MROH2B: variants seen among roughly 807,000 people sequenced by gnomAD.
MROH2B encodes the protein maestro heat-like repeat-containing protein family member 2B.
In MROH2B, 177 loss-of-function variants were observed where a neutral mutation model predicts 208.6. The observed-to-expected ratio is 0.85, with a 90% confidence interval of 0.75 to 0.96. The LOEUF (loss-of-function observed/expected upper bound fraction) is 0.96. Ranked by LOEUF, MROH2B falls within the 40% of genes least tolerant of loss-of-function variation. The probability of loss-of-function intolerance (pLI) is 0.00; values close to 1 mark genes in which losing one functional copy is unlikely to be tolerated. For missense variants in MROH2B, 2,002 were observed against 1,878.7 expected, an observed-to-expected ratio of 1.07 and a Z score of -1.21; for synonymous variants, 728 against 659.0, an observed-to-expected ratio of 1.10 and a Z score of -1.60.
chr5:41,017,934 G>T lies in MROH2B; in HGVS notation c.2800C>A (p.Leu934Ile), dbSNP rs1448281063. 1 of 1,580,840 alleles carries T rather than the reference G, an allele frequency of 6.3e-7. No individual in the cohort carries two copies. Among genetic ancestry groups the T allele is most frequent in the African/African-American group, 1.3e-5 (1 of 74,526 alleles). Residue 934 changes from leucine (L) to isoleucine (I), a missense_variant, in exon 28 of 42, where the codon CTT (leucine) becomes ATT (isoleucine). By Grantham distance (5) the Leu-to-Ile change is conservative. Coordinates refer to ENST00000399564, the MANE Select transcript of MROH2B (RefSeq NM_173489.5). ...GTATCACAGGAGTGAGGAGCCAGAA[G>T]TCCAAGCAGTGAACCAATTTTAAAG... ...ENFKIGSLLG[L>I]LAPHSCDTLP...
intron 12 of MROH2B, among the ~76,000 whole-genome samples, chr5:41,052,096 A>T (rs1743302628): frequency 6.6e-6 from 1 of 152,100 alleles, no homozygotes; most frequent in African/African-American, 2.4e-5. Context: ...GAAGCAATCC[A>T]GTCTCTGTGT....
intron 28 of MROH2B, among the ~76,000 whole-genome samples, chr5:41,016,036 A>T (rs1432147299): frequency 6.6e-6 from 1 of 152,160 alleles, no homozygotes; most frequent in Non-Finnish European, 1.5e-5. Flanking sequence ...AATCATGGAA[A>T]CTAACACATG....
chr5:41,017,898 T>C lies in MROH2B; in HGVS notation c.2836A>G (p.Ile946Val). 1 of 1,591,126 alleles carries C rather than the reference T, an allele frequency of 6.3e-7. No homozygotes were observed. Among genetic ancestry groups the C allele is most frequent in the Non-Finnish European group, 8.6e-7 (1 of 1,168,126 alleles). ...GTTGAGCTAGCAGCCGCCTGACGGA[T>C]GGTGGGCAGGGTATCACAGGAGTGA... ...APHSCDTLPTIRQAAASSTIG... is the reference protein window; with the variant it reads ...APHSCDTLPTVRQAAASSTIG... Residue 946 changes from isoleucine to valine, a missense_variant, in exon 28 of 42, where the codon ATC becomes GTC. Coordinates refer to ENST00000399564, the MANE Select transcript of MROH2B (RefSeq NM_173489.5).
rs151143298 is a variant in MROH2B, at chr5:41,046,179, G to A, written c.1729-326C>T. Among the ~76,000 whole-genome samples the A allele has an allele frequency of 3.1e-3, 471 of 151,256 alleles. 3 individuals carry two copies. Among genetic ancestry groups the A allele is most frequent in the African/African-American group, 0.011 (444 of 41,270 alleles). On this transcript the variant is annotated intron_variant, in intron 17 of 41. Transcript: ENST00000399564. ...TTAAAGTTGGCATTTTTCTAGTTTC[G>A]GTAGATTTGGAAAAACTCCATTTGT... is the stretch of plus-strand genomic sequence containing the variant.
chr5:41,048,563 T>G (rs1242154811), intron 15 of MROH2B, 98 bp from the exon 16 acceptor site: 14 of 1,282,262 alleles, frequency 1.1e-5, no homozygotes, highest in Non-Finnish European at 1.2e-5. Flanking sequence ...CTTTGATTTC[T>G]GCATTGGATA....
chr5:41,002,565 G>T (rs1373236816), intron 37 of MROH2B, among the ~76,000 whole-genome samples: 5 of 152,338 alleles, frequency 3.3e-5, no homozygotes, highest in Middle Eastern at 6.8e-3. Flanking sequence ...TGGGGCAATA[G>T]ATCATAGAGT....
chr5:41,012,508 C>G lies in MROH2B; in HGVS notation c.3135+75G>C, dbSNP rs1741804936. The G allele has an allele frequency of 4.7e-5, 70 of 1,499,014 alleles. No homozygotes were observed. In the South Asian group the frequency reaches 9.2e-4, roughly 20 times the overall value. The allele number at this position is 1,499,014 out of a possible 1,614,324, so 92.9% of individuals were successfully genotyped here. A position where few individuals can be genotyped will look rare whatever the true frequency, so the allele number is the denominator to read the frequency against. ...TGCATGCTGCCCATCAGTGGACAAACAGAGAAAGTGGCTGACTTGGCATTT... is the reference window on the plus strand; with the variant it reads ...TGCATGCTGCCCATCAGTGGACAAAGAGAGAAAGTGGCTGACTTGGCATTT... On this transcript the variant is annotated intron_variant, in intron 30 of 41. Coordinates refer to ENST00000399564, the MANE Select transcript of MROH2B (RefSeq NM_173489.5).
chr5:41,008,978 A>G (rs368162044), intron 32 of MROH2B, among the ~76,000 whole-genome samples, 185 bp from the exon 33 acceptor site: 7 of 152,346 alleles, frequency 4.6e-5, no homozygotes, highest in African/African-American at 1.4e-4. Context: ...AGGGGACACT[A>G]GTCATGTAAA....
intron 19 of MROH2B, among the ~76,000 whole-genome samples, chr5:41,041,741 T>C (rs959882499): frequency 6.6e-6 from 1 of 152,170 alleles, no homozygotes; most frequent in African/African-American, 2.4e-5. Flanking sequence ...CACTTTAGGT[T>C]ATCTTTACAT....
At chr5:41,029,859 A>G (rs541289499) in intron 24 of MROH2B, among the ~76,000 whole-genome samples, 17 of 152,106 alleles carry the variant, frequency 1.1e-4, no homozygotes, top group Non-Finnish European at 2.1e-4. Flanking sequence ...ATTGGGTACT[A>G]TGCTCACTAC....
chr5:41,034,086 G>A (rs1742674794), intron 21 of MROH2B: 13 of 984,460 alleles, frequency 1.3e-5, no homozygotes, highest in Non-Finnish European at 1.6e-5. Context: ...GGTAAGTCAT[G>A]AGTAAGCTGC....
chr5:41,007,874 C>T (rs1168256791), intron 33 of MROH2B, among the ~76,000 whole-genome samples: 2 of 152,168 alleles, frequency 1.3e-5, no homozygotes, highest in South Asian at 2.1e-4. Flanking sequence ...TCAGATATAG[C>T]TCTTTATATT....
At chr5:41,066,809 T>C (rs1743827395) in intron 3 of MROH2B, among the ~76,000 whole-genome samples, 1 of 152,252 alleles carries the variant, frequency 6.6e-6, no homozygotes, top group Admixed American at 6.5e-5. Flanking sequence ...TTTCTAGTTA[T>C]GTTACTAGTT....
chr5:41,066,508 G>A (rs1329204447), intron 3 of MROH2B, among the ~76,000 whole-genome samples: 1 of 152,112 alleles, frequency 6.6e-6, no homozygotes, highest in African/African-American at 2.4e-5. Flanking sequence ...TGTCTTTTGG[G>A]ATAAGACACC....
In MROH2B at chr5:41,039,497, A is replaced by G. The variant is rs1742876698; in HGVS notation, c.2012T>C (p.Val671Ala). ...AENHLDIVLK[V>A]LKTFQNQEKF... ...TTCCTGATTTTGGAATGTTTTAAGA[A>G]CTTTTAAAACAATATCCAAATGGTT... Residue 671 changes from valine (V) to alanine (A), a missense_variant, in exon 20 of 42, where the codon GTT (valine) becomes GCT (alanine). Transcript: ENST00000399564. The G allele has an allele frequency of 6.2e-7, 1 of 1,607,336 alleles. No homozygotes were observed. Among genetic ancestry groups the G allele is most frequent in the South Asian group, 1.1e-5 (1 of 89,562 alleles).
chr5:41,018,718 A>G lies in MROH2B; in HGVS notation c.2646T>C (p.Asn882=), dbSNP rs750017462. Residue 882 remains asparagine, a synonymous_variant, in exon 26 of 42, where the codon AAT becomes AAC. Coordinates refer to ENST00000399564, the MANE Select transcript of MROH2B (RefSeq NM_173489.5). ...LLKTMMWDNV[N]AEDCQEMFNL... ...TAAACATTTCTTGACAGTCCTCTGC[A>G]TTCACATTATCCCACATCATGGTCT... The G allele has an allele frequency of 3.1e-6, 5 of 1,613,852 alleles. No individual in the cohort carries two copies. The highest frequency in any genetic ancestry group is 1.7e-5 in the Admixed American group (1 of 59,964).
At chr5:40,999,252 C>T (rs1741309754) in intron 40 of MROH2B, among the ~76,000 whole-genome samples, 1 of 152,172 alleles carries the variant, frequency 6.6e-6, no homozygotes. Context: ...TGCTGGCCCC[C>T]ACATGAACAT....
rs538757648 is a variant in MROH2B at position 41,009,534 on chromosome 5, A to G, written c.3294-128T>C. 5 of 1,173,272 alleles carry G rather than the reference A, an allele frequency of 4.3e-6. No individual in the cohort carries two copies. The South Asian group carries it at 6.1e-5, about 14-fold the overall frequency. 72.7% of individuals were successfully genotyped at this position (1,173,272 alleles called of 1,614,324 possible). A position where few individuals can be genotyped will look rare whatever the true frequency, so the allele number is the denominator to read the frequency against. ...TTCAAGGGCAGATGGACATGCTGCC[A>G]TGCCTGGGGATAAGAAAGATGTTTT... On this transcript the variant is annotated intron_variant, in intron 31 of 41. Transcript: ENST00000399564.
rs372367806 is a variant in MROH2B at position 41,005,577 on chromosome 5, G to A, written c.3818C>T (p.Ser1273Phe). Reference protein sequence around the residue: ...IMEQLLSSLTSSSENYRITGA... With the variant: ...IMEQLLSSLTFSSENYRITGA... ...GGTTATCCGGTAGTTCTCCGAGGAG[G>A]AGGTAAGAGATGAGAGCAGCTGTTC... is the stretch of plus-strand genomic sequence containing the variant. The change falls in exon 35 of 42, where the codon TCC becomes TTC. Residue 1273 changes from serine (S) to phenylalanine (F), a missense_variant. Coordinates refer to ENST00000399564, the MANE Select transcript of MROH2B (RefSeq NM_173489.5). 6.2e-7 allele frequency: 1 copy of A among 1,611,336 alleles called. No individual in the cohort carries two copies. Among genetic ancestry groups the A allele is most frequent in the Non-Finnish European group, 8.5e-7 (1 of 1,178,874 alleles).
Sources: gnomAD v4.1 joint callset for allele counts (sites outside exome capture counted in the v4.1 genomes callset) on GRCh38, gnomAD v4.1.1 for gene constraint, MANE v1.5 for transcripts, NCBI Gene and HGNC (gene_info 2026-07-23, HGNC 2026-07-21) for gene names.